Variants in ZSWIM4 observed in about 807,000 individuals in gnomAD.
The protein encoded by ZSWIM4 is zinc finger SWIM-type containing 4.
A neutral mutation model predicts 102.5 loss-of-function variants in ZSWIM4; 62 were observed. The ratio of observed to expected loss-of-function variants is 0.60; its 90% confidence interval spans 0.49 to 0.75. ZSWIM4 has a LOEUF of 0.75. ZSWIM4 is among the 30% of genes least tolerant of loss of function. The pLI, the probability that ZSWIM4 is intolerant of heterozygous loss-of-function variation, is 0.00. For missense variants in ZSWIM4, 1,280 were observed against 1,529.6 expected (o/e 0.84, Z 2.72); for synonymous variants, 652 against 674.5 (o/e 0.97, Z 0.52).
rs1196989524 is a variant in ZSWIM4 at position 13,823,489 on chromosome 19, CGGCCGCCA to C, written c.2205_2212del (p.Ala736GlyfsTer25). On this transcript the variant is annotated frameshift_variant, in exon 11 of 14. Transcript: ENST00000590508. LOFTEE classifies it high-confidence loss of function. The stretch of plus-strand genomic sequence containing the variant: ...TGTGAACTGGCTTCCACCATGTTGA[CGGCCGCCA>C]AGGGTGAGGCTGGCAGCTGTCCCGA... The C allele has an allele frequency of 6.4e-7, 1 of 1,573,638 alleles. No homozygotes were observed. Among genetic ancestry groups the C allele is most frequent in the African/African-American group, 1.4e-5 (1 of 73,714 alleles).
At position 13,799,926 on chromosome 19, in the gene ZSWIM4, G is replaced by C; in HGVS notation, c.355+5G>C. On this transcript the variant is annotated splice_donor_5th_base_variant and intron_variant, in intron 2 of 13. Transcript: ENST00000590508. ...TGGACCGCGTGTTGCAAGTGGGTGA[G>C]TCTTTGTCCCCCACTCCTGCTGGGG... The C allele has an allele frequency of 6.2e-7, 1 of 1,607,490 alleles. No homozygotes were observed. The highest frequency in any genetic ancestry group is 8.5e-7 in the Non-Finnish European group (1 of 1,178,914).
At chr19:13,827,617 A>G (rs1370262958) in intron 12 of ZSWIM4, among the ~76,000 whole-genome samples, 1 of 151,236 alleles carries the variant, frequency 6.6e-6, no homozygotes, top group African/African-American at 2.4e-5. Context: ...AGAAAAGAAA[A>G]AAAAAGAAAC....
intron 8 of ZSWIM4, 148 bp from the exon 9 acceptor site, chr19:13,817,574 G>GCGCTCCCC (rs758922318): frequency 2.5e-5 from 28 of 1,123,352 alleles, no homozygotes; most frequent in Non-Finnish European, 3.2e-5. Flanking sequence ...TGGGGCTCCC[G>GCGCTCCCC]CGCTCCCCCA....
In ZSWIM4 at chr19:13,809,991, C is replaced by CTTT. The variant is rs368996612; in HGVS notation, c.1012+782_1012+784dup. On this transcript the variant is annotated intron_variant, in intron 5 of 13. Transcript: ENST00000590508. The surrounding 1 kb of genome is among the most constrained non-coding windows in gnomAD (Gnocchi z 4.2). ...TTGTTTGTTTGTTTTCTTTTCTTTT[C>CTTT]TTTTTTTTTTTTTGAGAAGGAGTCT... Among the ~76,000 whole-genome samples, 54 of 142,748 alleles carry CTTT rather than the reference C, an allele frequency of 3.8e-4. No individual in the cohort carries two copies. The highest frequency in any genetic ancestry group is 1.4e-3 in the African/African-American group (53 of 38,726). The allele number at this position is 142,748 out of a possible 152,430, so 93.6% of individuals were successfully genotyped here.
intron 9 of ZSWIM4, 94 bp downstream of exon 9, chr19:13,818,070 GCCCCAGCCCCGC>G (rs1447673220): frequency 1.4e-5 from 17 of 1,253,148 alleles, no homozygotes; most frequent in Non-Finnish European, 1.7e-5. Flanking sequence ...GGGAGGCCCC[GCCCCAGCCCCGC>G]CCCTAGCCCC....
At chr19:13,800,939 C>T (rs1016286948) in intron 2 of ZSWIM4, among the ~76,000 whole-genome samples, 7 of 152,098 alleles carry the variant, frequency 4.6e-5, no homozygotes, top group Admixed American at 1.3e-4. Context: ...GCCAAGAGTT[C>T]AAGACCAGCC....
At chr19:13,829,553 C>T (rs763109729) in intron 13 of ZSWIM4, among the ~76,000 whole-genome samples, 44 of 149,978 alleles carry the variant, frequency 2.9e-4, no homozygotes, top group African/African-American at 3.4e-4. Flanking sequence ...AACTCACTAC[C>T]GCACTCCAGC....
chr19:13,813,149 A>G lies in ZSWIM4; in HGVS notation c.1165A>G (p.Met389Val). ...SFDGPSLQPT[M>V]APAPGSEEEE... ...CGACGGCCCCAGCCTGCAGCCCACC[A>G]TGGCCCCCGCCCCAGGTAGGAGAGA... is the stretch of plus-strand genomic sequence containing the variant. Residue 389 changes from methionine to valine, a missense_variant, in exon 6 of 14, where the codon ATG (methionine) becomes GTG (valine). Coordinates refer to ENST00000590508, the MANE Select transcript of ZSWIM4 (RefSeq NM_001367834.3). The G allele has an allele frequency of 6.2e-7, 1 of 1,612,588 alleles. No individual in the cohort carries two copies. The highest frequency in any genetic ancestry group is 2.2e-5 in the East Asian group (1 of 44,832).
chr19:13,813,130 C>A lies in ZSWIM4; in HGVS notation c.1146C>A (p.Gly382=). ...PLEEGNYSFD[G]PSLQPTMAPA... is the part of the protein sequence containing the mutation. ...AAGAGGGCAACTACTCCTTCGACGG[C>A]CCCAGCCTGCAGCCCACCATGGCCC... is the stretch of plus-strand genomic sequence containing the variant. The change falls in exon 6 of 14, where the codon GGC becomes GGA. Residue 382 remains glycine, a synonymous_variant. Coordinates refer to ENST00000590508, the MANE Select transcript of ZSWIM4 (RefSeq NM_001367834.3). The A allele has an allele frequency of 6.2e-7, 1 of 1,613,460 alleles. No individual in the cohort carries two copies. Among genetic ancestry groups the A allele is most frequent in the Non-Finnish European group, 8.5e-7 (1 of 1,179,622 alleles).
rs1236349446 is a variant in ZSWIM4, at chr19:13,830,930, G to A, written c.3201G>A (p.Arg1067=). The change falls in exon 14 of 14, where the codon CGG becomes CGA. Residue 1067 remains arginine, a synonymous_variant. Transcript: ENST00000590508. Reference sequence around the variant, plus strand: ...TCATCGAATTCCTGGGCAAGGCCCGGGAGACCTTCCTGCTGGCGCCCGACG... The same window carrying A: ...TCATCGAATTCCTGGGCAAGGCCCGAGAGACCTTCCTGCTGGCGCCCGACG... ...GDFIEFLGKA[R]ETFLLAPDGH... is the part of the protein sequence containing the mutation. The A allele has an allele frequency of 3.1e-6, 5 of 1,614,102 alleles. No individual in the cohort carries two copies. The highest frequency in any genetic ancestry group is 2.7e-5 in the African/African-American group (2 of 74,954).
chr19:13,828,562 T>TG, intron 12 of ZSWIM4, 83 bp from the exon 13 acceptor site: 1 of 1,234,208 alleles, frequency 8.1e-7, no homozygotes, highest in Non-Finnish European at 1.2e-6. Context: ...CAAGTGTTTC[T>TG]GGGGTCCTCC....
At chr19:13,828,360 A>T (rs1055639555) in intron 12 of ZSWIM4, among the ~76,000 whole-genome samples, 1 of 152,066 alleles carries the variant, frequency 6.6e-6, no homozygotes, top group Non-Finnish European at 1.5e-5. Flanking sequence ...GTGAGCCAAG[A>T]TCGCACCACT....
intron 7 of ZSWIM4, chr19:13,815,161 C>CTT: frequency 1.3e-5 from 2 of 148,504 alleles, no homozygotes; most frequent in Non-Finnish European, 3.0e-5. Flanking sequence ...GACCTCATCT[C>CTT]TTTTTTTTTT....
intron 2 of ZSWIM4, among the ~76,000 whole-genome samples, chr19:13,803,560 T>TCACTAGGTCAGGAGTTCAAGACTA (rs60972489): frequency 1.3e-5 from 2 of 149,780 alleles, no homozygotes; most frequent in Admixed American, 1.3e-4. Context: ...GGCGGGTGGA[T>TCACTAGGTCAGGAGTTCAAGACTA]CACTAGGTCA....
chr19:13,807,431 A>T (rs1395279602), intron 3 of ZSWIM4, among the ~76,000 whole-genome samples: 1 of 151,892 alleles, frequency 6.6e-6, no homozygotes, highest in Non-Finnish European at 1.5e-5. Flanking sequence ...TGGTGTTTTG[A>T]GTGGGATGGG....
intron 9 of ZSWIM4, 26 bp downstream of exon 9, chr19:13,818,002 T>A (rs889691588): frequency 9.5e-6 from 14 of 1,470,528 alleles, no homozygotes; most frequent in Non-Finnish European, 1.2e-5. Context: ...TAGGCCTGGC[T>A]GTTGCTGAAG....
At chr19:13,822,891 A>T (rs1975504960) in intron 10 of ZSWIM4, among the ~76,000 whole-genome samples, 1 of 152,006 alleles carries the variant, frequency 6.6e-6, no homozygotes, top group South Asian at 2.1e-4. Context: ...AGGCAAGAGA[A>T]TCGTTTGAAC....
intron 10 of ZSWIM4, among the ~76,000 whole-genome samples, chr19:13,822,945 C>A (rs1473777154): frequency 6.7e-6 from 1 of 150,356 alleles, no homozygotes; most frequent in Non-Finnish European, 1.5e-5. Context: ...CGCCATTGCA[C>A]GCCAGCCTGG....
Position 13,799,598 on chromosome 19 carries a change from C to A in ZSWIM4, c.154-122C>A, listed in dbSNP as rs57427379. On this transcript the variant is annotated intron_variant, in intron 1 of 13. Transcript: ENST00000590508. Reference sequence around the variant, plus strand: ...GCCAGTTTTTTTGTAAAGATGGGAGCCTCTCTATGTTGCCCAGGCTGGTCT... The same window carrying A: ...GCCAGTTTTTTTGTAAAGATGGGAGACTCTCTATGTTGCCCAGGCTGGTCT... The A allele has an allele frequency of 9.6e-5, 89 of 923,638 alleles. No homozygotes were observed. In the African/African-American group the frequency reaches 1.4e-3, roughly 15 times the overall value. 57.2% of individuals were successfully genotyped at this position (923,638 alleles called of 1,614,324 possible).
Sources: allele counts gnomAD v4.1 joint callset (sites outside exome capture counted in the v4.1 genomes callset), GRCh38; gene constraint gnomAD v4.1.1; non-coding constraint Gnocchi (gnomAD v3.1); transcripts MANE v1.5; gene names NCBI Gene and HGNC (gene_info 2026-07-23, HGNC 2026-07-21).